The following ABCC8 variants were observed in gnomAD, a reference collection of about 807,000 sequenced individuals.
The protein encoded by ABCC8 is ATP binding cassette subfamily C member 8, also known as ATP-binding cassette sub-family C member 8.
In ABCC8, 137 loss-of-function variants were observed where a neutral mutation model predicts 188.0. The observed-to-expected ratio is 0.73, with a 90% confidence interval of 0.63 to 0.84. ABCC8 has a LOEUF of 0.84. Among genes scored for constraint, ABCC8 ranks in the 40% least tolerant of loss-of-function variants. The pLI, the probability that ABCC8 is intolerant of heterozygous loss-of-function variation, is 0.00. For missense variants in ABCC8, 1,750 were observed against 2,072.7 expected, an observed-to-expected ratio of 0.84 and a Z score of 3.02; for synonymous variants, 797 against 846.5, an observed-to-expected ratio of 0.94 and a Z score of 1.01.
chr11:17,439,371 G>A (rs1197176427), intron 10 of ABCC8, among the ~76,000 whole-genome samples: 3 of 152,122 alleles, frequency 2.0e-5, no homozygotes, highest in South Asian at 2.1e-4. Flanking sequence ...ATATGAGCAG[G>A]ATGGGCCCCA....
rs760494159 is a variant in ABCC8, at chr11:17,393,076, C to A, written c.4661G>T (p.Gly1554Val). 1.2e-6 allele frequency: 2 copies of A among 1,614,112 alleles called. No homozygotes were observed. The highest frequency in any genetic ancestry group is 1.7e-6 in the Non-Finnish European group (2 of 1,180,050). ...SADLVIVLKR[G>V]AILEFDKPEK... ...TGGCTTATCGAACTCAAGGATGGCA[C>A]CCCGCTTCAGGACGATCACCAGGTC... is the stretch of plus-strand genomic sequence containing the variant. The change falls in exon 39 of 39, where the codon GGT becomes GTT. Residue 1554 changes from glycine to valine, a missense_variant. Physicochemically the swap from Gly to Val is moderately radical, Grantham distance 109 (BLOSUM62 -3). Transcript: ENST00000389817.
chr11:17,419,981 TA>T (rs1422187656), intron 16 of ABCC8, among the ~76,000 whole-genome samples: 1 of 152,176 alleles, frequency 6.6e-6, no homozygotes, highest in Non-Finnish European at 1.5e-5. Flanking sequence ...CACAGCTGGT[TA>T]GGGGGCAGGT....
At chr11:17,408,330 C>T in intron 23 of ABCC8, 62 bp downstream of exon 23, 1 of 1,492,388 alleles carries the variant, frequency 6.7e-7, no homozygotes, top group Non-Finnish European at 9.2e-7. Context: ...TTTATGAGTT[C>T]AGGTTCTAGC....
intron 6 of ABCC8, among the ~76,000 whole-genome samples, chr11:17,459,736 C>A (rs999684389): frequency 1.3e-5 from 2 of 152,190 alleles, no homozygotes; most frequent in Non-Finnish European, 2.9e-5. Context: ...AGGAAACAGA[C>A]AACAGAGCAC....
intron 7 of ABCC8, among the ~76,000 whole-genome samples, chr11:17,450,644 G>A (rs1425903410): frequency 2.1e-5 from 3 of 141,566 alleles, no homozygotes; most frequent in African/African-American, 5.3e-5. Flanking sequence ...TGATCCACCC[G>A]CCTTGGCCTC....
intron 6 of ABCC8, among the ~76,000 whole-genome samples, chr11:17,457,515 A>T (rs1395445069): frequency 6.6e-6 from 1 of 152,210 alleles, no homozygotes; most frequent in Admixed American, 6.5e-5. Context: ...GGTTTCAGAC[A>T]CCAGCAGCTC....
At position 17,413,667 on chromosome 11, in the gene ABCC8, G is replaced by A. The variant is rs2074309; in HGVS notation, c.2391-189C>T. Reference sequence around the variant, plus strand: ...AGCTGAGGTCAGCACTTCACACAGCGTTTGGGCAGGTTAAATACTAGAAGG... The same window carrying A: ...AGCTGAGGTCAGCACTTCACACAGCATTTGGGCAGGTTAAATACTAGAAGG... On this transcript the variant is annotated intron_variant, in intron 19 of 38. Transcript: ENST00000389817. The A allele has an allele frequency of 0.57, 659,552 of 1,156,636 alleles. 193,692 individuals are homozygous for A. The highest frequency in any genetic ancestry group is 0.62 in the East Asian group (24,128 of 38,786). The allele number at this position is 1,156,636 out of a possible 1,614,324, so 71.6% of individuals were successfully genotyped here.
chr11:17,436,236 C>A, intron 10 of ABCC8: 1 of 563,850 alleles, frequency 1.8e-6, no homozygotes, highest in East Asian at 3.4e-5. Context: ...AAAGGTCTCT[C>A]TGAAGATCAT....
chr11:17,393,173 C>A, intron 38 of ABCC8, 45 bp from the exon 39 acceptor site: 1 of 1,609,650 alleles, frequency 6.2e-7, no homozygotes, highest in Admixed American at 1.7e-5. Context: ...GGGAATACCA[C>A]CCGCGGTGGG....
rs1954760215 is a variant in ABCC8 at position 17,410,555 on chromosome 11, T to C, written c.2655A>G (p.Leu885=). 1 of 1,614,106 alleles carries C rather than the reference T, an allele frequency of 6.2e-7. No individual in the cohort carries two copies. The highest frequency in any genetic ancestry group is 2.2e-5 in the East Asian group (1 of 44,858). Residue 885 remains leucine (L), a synonymous_variant, in exon 22 of 39, where the codon TTA becomes TTG. Coordinates refer to ENST00000389817, the MANE Select transcript of ABCC8 (RefSeq NM_000352.6). ...LLRDDKRTVV[L]VTHKLQYLPH... is the part of the protein sequence containing the mutation. ...GCAGGTACTGTAGCTTGTGGGTCAC[T>C]AAGACCACTGTCCTCTTGTCGTCCC... is the stretch of plus-strand genomic sequence containing the variant.
rs562753567 is a variant in ABCC8 at position 17,402,767 on chromosome 11, C to G, written c.3558-14G>C. On this transcript the variant is annotated splice_polypyrimidine_tract_variant and intron_variant, in intron 28 of 38. Coordinates refer to ENST00000389817, the MANE Select transcript of ABCC8 (RefSeq NM_000352.6). Reference sequence around the variant, plus strand: ...TGCTGCAGGTCCCTGTGGCGGGGAACAGAGTGGAACAGTTAAGAGGGCAGG... The same window carrying G: ...TGCTGCAGGTCCCTGTGGCGGGGAAGAGAGTGGAACAGTTAAGAGGGCAGG... The G allele has an allele frequency of 1.2e-6, 2 of 1,614,142 alleles. No individual in the cohort carries two copies. The highest frequency in any genetic ancestry group is 2.2e-5 in the South Asian group (2 of 91,086).
intron 9 of ABCC8, 77 bp from the exon 10 acceptor site, chr11:17,442,959 C>A: frequency 3.1e-6 from 5 of 1,599,424 alleles, no homozygotes; most frequent in Non-Finnish European, 4.3e-6. Flanking sequence ...AGTGTCAATA[C>A]TGTCACTGCC....
Position 17,393,144 on chromosome 11 carries a change from G to A in ABCC8, c.4609-16C>T, listed in dbSNP as rs1045273458. ...GCACTCGATGCTGGGCAGGGCAGGAGGGGGCGGGTCAGGATGGTGGGAATA... is the reference window on the plus strand; with the variant it reads ...GCACTCGATGCTGGGCAGGGCAGGAAGGGGCGGGTCAGGATGGTGGGAATA... On this transcript the variant is annotated splice_polypyrimidine_tract_variant and intron_variant, in intron 38 of 38. Coordinates refer to ENST00000389817, the MANE Select transcript of ABCC8 (RefSeq NM_000352.6). The A allele has an allele frequency of 6.2e-6, 10 of 1,613,028 alleles. No individual in the cohort carries two copies. The African/African-American group carries it at 1.2e-4, about 19-fold the overall frequency.
chr11:17,444,017 TAA>T (rs1448834804), intron 8 of ABCC8, among the ~76,000 whole-genome samples: 1 of 150,862 alleles, frequency 6.6e-6, no homozygotes, highest in Non-Finnish European at 1.5e-5. Flanking sequence ...CTTCCTTAGC[TAA>T]AAAGAGAGAG....
At chr11:17,410,429 C>A in intron 22 of ABCC8, 87 bp downstream of exon 22, 15 of 1,469,700 alleles carry the variant, frequency 1.0e-5, no homozygotes, top group Non-Finnish European at 1.4e-5. Flanking sequence ...GCAGTTGCTA[C>A]CAAGACAACG....
chr11:17,408,847 AC>A (rs1954667636), intron 22 of ABCC8, among the ~76,000 whole-genome samples: 4 of 151,574 alleles, frequency 2.6e-5, no homozygotes, highest in Admixed American at 2.0e-4. Context: ...ATTGTACACT[AC>A]CCTTAGCTCC....
rs763045859 is a variant in ABCC8, at chr11:17,405,523, A to G, written c.3370T>C (p.Phe1124Leu). The change falls in exon 27 of 39, where the codon TTT (phenylalanine) becomes CTT (leucine). Residue 1124 changes from phenylalanine to leucine, a missense_variant. Phe to Leu is a conservative substitution (Grantham distance 22, BLOSUM62 0). Coordinates refer to ENST00000389817, the MANE Select transcript of ABCC8 (RefSeq NM_000352.6). ...TCGATGGTGTTACAGTCAGATGAAAATCTGTTCAGGATGCTCCCAAGGGGC... is the reference window on the plus strand; with the variant it reads ...TCGATGGTGTTACAGTCAGATGAAAGTCTGTTCAGGATGCTCCCAAGGGGC... ...TTPLGSILNR[F>L]SSDCNTIDQH... 1.2e-6 allele frequency: 2 copies of G among 1,614,212 alleles called. No individual in the cohort carries two copies. Among genetic ancestry groups the G allele is most frequent in the South Asian group, 2.2e-5 (2 of 91,084 alleles).
At chr11:17,466,660 AGGCTGGAGTGCAGTGGCACAATCTT>A (rs71047554) in intron 3 of ABCC8, among the ~76,000 whole-genome samples, 22 of 144,460 alleles carry the variant, frequency 1.5e-4, no homozygotes, top group African/African-American at 4.4e-4. Flanking sequence ...TCTGTTGTCC[AGGCTGGAGTGCAGTGGCACAATCTT>A]GGCTGGAGTG....
rs879252093 is a variant in ABCC8 at position 17,394,252 on chromosome 11, G to C, written c.4545+14C>G. 10 of 1,612,950 alleles carry C rather than the reference G, an allele frequency of 6.2e-6. 1 individual carries two copies. The South Asian group carries it at 1.1e-4, about 18-fold the overall frequency. ...TTCCAAGACCATGGTCCCATGGAGG[G>C]GCCCAGGACCAACCGTGGCCATGTC... On this transcript the variant is annotated intron_variant, in intron 37 of 38. Coordinates refer to ENST00000389817, the MANE Select transcript of ABCC8 (RefSeq NM_000352.6).
Sources: allele counts gnomAD v4.1 joint callset (sites outside exome capture counted in the v4.1 genomes callset), GRCh38; gene constraint gnomAD v4.1.1; transcripts MANE v1.5; gene names NCBI Gene and HGNC (gene_info 2026-07-23, HGNC 2026-07-21).